Variants in ELMO1 observed in about 807,000 individuals in gnomAD.
The protein encoded by ELMO1 is engulfment and cell motility 1, also known as engulfment and cell motility protein 1.
ELMO1 carries 26 observed loss-of-function variants against 98.9 expected under a neutral mutation model. The observed-to-expected ratio is 0.26, with a 90% CI of 0.19 to 0.36. The LOEUF (loss-of-function observed/expected upper bound fraction) is 0.36. ELMO1 is among the 10% of genes least tolerant of loss of function. The pLI, the probability that ELMO1 is intolerant of heterozygous loss-of-function variation, is 1.00. For missense variants in ELMO1, 627 were observed against 935.2 expected (o/e 0.67, Z 4.30); for synonymous variants, 346 against 346.0 (o/e 1.00, Z 0.00).
chr7:37,165,602 T>C (rs984591893), intron 13 of ELMO1, among the ~76,000 whole-genome samples: 9 of 152,110 alleles, frequency 5.9e-5, no homozygotes, highest in African/African-American at 2.2e-4. Flanking sequence ...AATCATGTGG[T>C]TTTTGTCTTT....
intron 21 of ELMO1, among the ~76,000 whole-genome samples, chr7:36,858,450 A>C (rs2129031299): frequency 6.6e-6 from 1 of 152,320 alleles, no homozygotes; most frequent in Middle Eastern, 3.4e-3. Context: ...CGATGAATAT[A>C]TGAATTATAT....
In ELMO1 at chr7:36,855,337, G is replaced by A. The variant is rs1377881820; in HGVS notation, c.*214C>T. ...GGACTGCAGCCATGGGAAGTGACCTGAAGCAGTGGAGCCGAGGAACAGAAT... is the reference window on the plus strand; with the variant it reads ...GGACTGCAGCCATGGGAAGTGACCTAAAGCAGTGGAGCCGAGGAACAGAAT... On this transcript the variant is annotated 3_prime_UTR_variant, in exon 22 of 22. Transcript: ENST00000310758. The surrounding 1 kb of genome is among the most constrained non-coding windows in gnomAD (Gnocchi z 4.2). The A allele has an allele frequency of 3.4e-6, 2 of 596,142 alleles. No individual in the cohort carries two copies. The highest frequency in any genetic ancestry group is 2.0e-5 in the South Asian group (1 of 50,678). The allele number at this position is 596,142 out of a possible 1,614,324, so 36.9% of individuals were successfully genotyped here. A position where few individuals can be genotyped will look rare whatever the true frequency, so the allele number is the denominator to read the frequency against.
At chr7:37,142,460 G>A (rs903414619) in intron 13 of ELMO1, among the ~76,000 whole-genome samples, 6 of 152,164 alleles carry the variant, frequency 3.9e-5, no homozygotes, top group African/African-American at 1.4e-4. Context: ...TGAGGAAACT[G>A]CCGCTCAGAT....
At chr7:37,422,433 A>C (rs1352906771) in intron 1 of ELMO1, among the ~76,000 whole-genome samples, 1 of 152,214 alleles carries the variant, frequency 6.6e-6, no homozygotes, top group African/African-American at 2.4e-5. Context: ...CTTTGGCCTA[A>C]GGGACCTGGT....
At chr7:37,161,722 C>T (rs541351628) in intron 13 of ELMO1, among the ~76,000 whole-genome samples, 2 of 150,692 alleles carry the variant, frequency 1.3e-5, no homozygotes, top group African/African-American at 4.9e-5. Flanking sequence ...AAACTCATGA[C>T]CCTAAACCAC....
chr7:37,134,768 G>A (rs190985854), intron 13 of ELMO1, among the ~76,000 whole-genome samples: 9 of 152,282 alleles, frequency 5.9e-5, no homozygotes, highest in African/African-American at 1.7e-4. Context: ...GTAGCAACAT[G>A]GATGGAACTG....
chr7:37,107,397 A>G (rs1785010282), intron 14 of ELMO1, among the ~76,000 whole-genome samples: 1 of 152,194 alleles, frequency 6.6e-6, no homozygotes, highest in Non-Finnish European at 1.5e-5. Flanking sequence ...ACTCTCTCCT[A>G]AGGCATCTTT....
intron 7 of ELMO1, among the ~76,000 whole-genome samples, chr7:37,235,449 A>G (rs1794408702): frequency 6.6e-6 from 1 of 152,230 alleles, no homozygotes; most frequent in Admixed American, 6.5e-5. Context: ...GAACCAAATG[A>G]TAACTAATAG....
At chr7:37,251,246 T>C (rs915883880) in intron 6 of ELMO1, among the ~76,000 whole-genome samples, 1 of 152,228 alleles carries the variant, frequency 6.6e-6, no homozygotes, top group Admixed American at 6.5e-5. Context: ...GGAAACACTG[T>C]CCATTCCTCA....
At chr7:36,975,042 TGCGAAGGTC>T (rs2129138206) in intron 16 of ELMO1, among the ~76,000 whole-genome samples, 1 of 152,344 alleles carries the variant, frequency 6.6e-6, no homozygotes, top group Admixed American at 6.5e-5. Flanking sequence ...TGACACTCAC[TGCGAAGGTC>T]CACGGCTTCA....
At chr7:37,413,288 C>G (rs1312569226) in intron 1 of ELMO1, among the ~76,000 whole-genome samples, 3 of 152,162 alleles carry the variant, frequency 2.0e-5, no homozygotes, top group Non-Finnish European at 4.4e-5. Context: ...CCAAGCCCAA[C>G]AGCCCTTTTT....
Position 36,958,290 on chromosome 7 carries a change from C to T in ELMO1, c.1437+55009G>A, listed in dbSNP as rs559038962. Among the ~76,000 whole-genome samples, 8 of 152,322 alleles carry T rather than the reference C, an allele frequency of 5.3e-5. No homozygotes were observed. The South Asian group carries it at 1.7e-3, about 32-fold the overall frequency. On this transcript the variant is annotated intron_variant, in intron 16 of 21. Coordinates refer to ENST00000310758, the MANE Select transcript of ELMO1 (RefSeq NM_014800.11). Reference sequence around the variant, plus strand: ...TCCTCCACCCACCTGAACAGCCGAACAGGCTGGAGAAAAGCATACAATGGT... The same window carrying T: ...TCCTCCACCCACCTGAACAGCCGAATAGGCTGGAGAAAAGCATACAATGGT...
At chr7:37,439,215 T>C (rs1332921625) in intron 1 of ELMO1, among the ~76,000 whole-genome samples, 2 of 152,224 alleles carry the variant, frequency 1.3e-5, no homozygotes, top group African/African-American at 4.8e-5. Context: ...CATCTTTTCC[T>C]TGCCTAAAAG....
chr7:37,096,235 T>C (rs968527342), intron 15 of ELMO1, among the ~76,000 whole-genome samples: 3 of 152,170 alleles, frequency 2.0e-5, no homozygotes, highest in African/African-American at 7.2e-5. Context: ...TTTTTCTTTA[T>C]AGAGAAAAAT....
At chr7:37,388,268 C>T (rs564845223) in intron 1 of ELMO1, among the ~76,000 whole-genome samples, 36 of 152,220 alleles carry the variant, frequency 2.4e-4, no homozygotes, top group African/African-American at 8.7e-4. Context: ...GCAGACAACT[C>T]GATACAGAGA....
At chr7:37,155,503 A>ATAAAAAAAAAAT in intron 13 of ELMO1, among the ~76,000 whole-genome samples, 1 of 131,738 alleles carries the variant, frequency 7.6e-6, no homozygotes, top group Non-Finnish European at 1.6e-5. Context: ...AAAAAAAAAA[A>ATAAAAAAAAAAT]AAAAAGCAGG....
intron 16 of ELMO1, chr7:37,002,126 C>T (rs1355156764): frequency 6.6e-6 from 1 of 152,094 alleles, no homozygotes; most frequent in Non-Finnish European, 1.5e-5. Context: ...ACTGGAAAAA[C>T]TGCGCTCCAT....
chr7:37,307,906 A>G lies in ELMO1; in HGVS notation c.192+6944T>C, dbSNP rs191937918. Among the ~76,000 whole-genome samples the G allele has an allele frequency of 7.8e-3, 1,184 of 152,240 alleles. 13 individuals are homozygous for G. The highest frequency in any genetic ancestry group is 0.023 in the African/African-American group (962 of 41,536). On this transcript the variant is annotated intron_variant, in intron 4 of 21. Coordinates refer to ENST00000310758, the MANE Select transcript of ELMO1 (RefSeq NM_014800.11). ...GCGGGCAGATTACCTGAGGTCAGGA[A>G]TTAAAAGACCAGCCTGGCCAACATG...
At chr7:37,064,478 A>G (rs1445064390) in intron 15 of ELMO1, among the ~76,000 whole-genome samples, 2 of 152,156 alleles carry the variant, frequency 1.3e-5, no homozygotes, top group Admixed American at 6.5e-5. Context: ...TGGGCTAACT[A>G]CTTCACCCTC....
Sources: allele counts gnomAD v4.1 joint callset (sites outside exome capture counted in the v4.1 genomes callset), GRCh38; gene constraint gnomAD v4.1.1; non-coding constraint Gnocchi (gnomAD v3.1); transcripts MANE v1.5; gene names NCBI Gene and HGNC (gene_info 2026-07-23, HGNC 2026-07-21).